The following RALGAPA2 variants were observed in gnomAD, a reference collection of about 807,000 sequenced individuals.
RALGAPA2 encodes Ral GTPase activating protein catalytic subunit alpha 2.
Under a neutral mutation model 230.4 loss-of-function variants are expected in RALGAPA2, and 139 were observed. That is an observed-to-expected ratio of 0.60 (90% CI 0.53 to 0.69). The LOEUF (loss-of-function observed/expected upper bound fraction) is 0.69. RALGAPA2 is among the 30% of genes least tolerant of loss of function. RALGAPA2 has a pLI of 0.00. For synonymous variants in RALGAPA2, 847 were observed against 837.8 expected (o/e 1.01, Z -0.19); for missense variants, 2,163 against 2,276.0 (o/e 0.95, Z 1.01).
At chr20:20,694,120 T>A (rs1203485042) in intron 1 of RALGAPA2, among the ~76,000 whole-genome samples, 3 of 147,990 alleles carry the variant, frequency 2.0e-5, no homozygotes, top group Admixed American at 1.3e-4. Context: ...AATGAAAAAA[T>A]TTCAAAAAAG....
At chr20:20,481,423 C>A (rs1451338136) in intron 36 of RALGAPA2, among the ~76,000 whole-genome samples, 1 of 152,164 alleles carries the variant, frequency 6.6e-6, no homozygotes, top group Non-Finnish European at 1.5e-5. Flanking sequence ...ATGGGCCTAC[C>A]GAGAGGCAGG....
intron 36 of RALGAPA2, among the ~76,000 whole-genome samples, chr20:20,476,235 T>C (rs1469720128): frequency 2.0e-5 from 3 of 152,122 alleles, no homozygotes; most frequent in Non-Finnish European, 4.4e-5. Context: ...TACTTCTAAG[T>C]TCATAAGGAA....
At chr20:20,710,037 A>G (rs1178210345) in intron 1 of RALGAPA2, among the ~76,000 whole-genome samples, 1 of 152,220 alleles carries the variant, frequency 6.6e-6, no homozygotes, top group East Asian at 1.9e-4. Flanking sequence ...TACCATACCC[A>G]TTTTACAGAG....
intron 37 of RALGAPA2, among the ~76,000 whole-genome samples, chr20:20,450,440 T>G (rs959466346): frequency 3.9e-5 from 6 of 152,254 alleles, no homozygotes; most frequent in Non-Finnish European, 7.3e-5. Context: ...AGGATTCACT[T>G]GGTAACAATA....
chr20:20,688,060 C>A (rs920128849), intron 1 of RALGAPA2, among the ~76,000 whole-genome samples: 1 of 152,276 alleles, frequency 6.6e-6, no homozygotes, highest in Middle Eastern at 3.4e-3. Context: ...ATAAGACTTT[C>A]CAGATTCAGC....
chr20:20,584,591 G>A (rs1602941789), intron 19 of RALGAPA2, among the ~76,000 whole-genome samples: 2 of 152,266 alleles, frequency 1.3e-5, no homozygotes, highest in Non-Finnish European at 2.9e-5. Context: ...ACCAGCCTGG[G>A]CAACATGGCA....
At chr20:20,507,248 T>C (rs2062561363) in intron 33 of RALGAPA2, among the ~76,000 whole-genome samples, 1 of 152,248 alleles carries the variant, frequency 6.6e-6, no homozygotes, top group African/African-American at 2.4e-5. Flanking sequence ...TAATATGTCA[T>C]GGCCCAAATC....
Position 20,512,885 on chromosome 20 carries a change from A to G in RALGAPA2, c.4484T>C (p.Leu1495Pro). The change falls in exon 32 of 40, where the codon CTG becomes CCG. Residue 1495 changes from leucine to proline, a missense_variant. Physicochemically the swap from Leu to Pro is moderately conservative, Grantham distance 98 (BLOSUM62 -3). Coordinates refer to ENST00000202677, the MANE Select transcript of RALGAPA2 (RefSeq NM_020343.4). ...LAPNGRNPSF[L>P]ISSWHRDTFG... ...TGTGTCACGATGCCAGCTCGAAATCAGAAATGAAGGATTTCTTCCATTGGG... is the reference window on the plus strand; with the variant it reads ...TGTGTCACGATGCCAGCTCGAAATCGGAAATGAAGGATTTCTTCCATTGGG... The G allele has an allele frequency of 6.2e-7, 1 of 1,613,926 alleles. No individual in the cohort carries two copies. The highest frequency in any genetic ancestry group is 8.5e-7 in the Non-Finnish European group (1 of 1,179,794).
At chr20:20,628,987 T>TG (rs1250504980) in intron 10 of RALGAPA2, among the ~76,000 whole-genome samples, 2 of 152,208 alleles carry the variant, frequency 1.3e-5, no homozygotes, top group Non-Finnish European at 2.9e-5. Context: ...CGTGAGGCTC[T>TG]GGGAAGAAGA....
intron 3 of RALGAPA2, among the ~76,000 whole-genome samples, chr20:20,668,642 A>G (rs2068036195): frequency 6.6e-6 from 1 of 152,220 alleles, no homozygotes; most frequent in Admixed American, 6.5e-5. Flanking sequence ...GTCAAATGAT[A>G]ACACAAGGCA....
intron 24 of RALGAPA2, among the ~76,000 whole-genome samples, chr20:20,539,730 G>A (rs2063593193): frequency 6.6e-6 from 1 of 152,128 alleles, no homozygotes; most frequent in African/African-American, 2.4e-5. Flanking sequence ...CGGCATAACT[G>A]AAACTTTTGA....
chr20:20,635,576 T>C lies in RALGAPA2; in HGVS notation c.847A>G (p.Thr283Ala). Reference protein sequence around the residue: ...LRPKPVYITTTRDNENIYSTK... With the variant: ...LRPKPVYITTARDNENIYSTK... ...CTGTAAATGTTCTCATTGTCTCGAGTGGTAGTAATGTACACAGGCTTTGGT... is the reference window on the plus strand; with the variant it reads ...CTGTAAATGTTCTCATTGTCTCGAGCGGTAGTAATGTACACAGGCTTTGGT... The change falls in exon 9 of 40, where the codon ACT (threonine) becomes GCT (alanine). Residue 283 changes from threonine (T) to alanine (A), a missense_variant. Coordinates refer to ENST00000202677, the MANE Select transcript of RALGAPA2 (RefSeq NM_020343.4). 2 of 1,581,790 alleles carry C rather than the reference T, an allele frequency of 1.3e-6. No homozygotes were observed. The highest frequency in any genetic ancestry group is 4.6e-5 in the East Asian group (2 of 43,766).
chr20:20,403,954 T>C (rs1479468626), intron 38 of RALGAPA2, among the ~76,000 whole-genome samples: 1 of 152,128 alleles, frequency 6.6e-6, no homozygotes, highest in African/African-American at 2.4e-5. Context: ...AGACAGATGC[T>C]GGGATGGTGG....
At chr20:20,586,376 A>G (rs1344216990) in intron 18 of RALGAPA2, among the ~76,000 whole-genome samples, 1 of 152,206 alleles carries the variant, frequency 6.6e-6, no homozygotes, top group East Asian at 1.9e-4. Flanking sequence ...AACAAATGCA[A>G]ACATACTGTT....
intron 37 of RALGAPA2, among the ~76,000 whole-genome samples, chr20:20,466,094 C>G (rs906289012): frequency 2.0e-5 from 3 of 152,192 alleles, no homozygotes; most frequent in African/African-American, 7.2e-5. Context: ...TGGTGCCTGG[C>G]ACCAGGCCTC....
At chr20:20,517,199 TC>T (rs1253210705) in intron 31 of RALGAPA2, among the ~76,000 whole-genome samples, 2 of 152,256 alleles carry the variant, frequency 1.3e-5, no homozygotes, top group East Asian at 3.9e-4. Flanking sequence ...GAGTCACAAT[TC>T]CTTTCTATAT....
At chr20:20,400,021 C>T (rs1398893333) in intron 38 of RALGAPA2, among the ~76,000 whole-genome samples, 1 of 152,182 alleles carries the variant, frequency 6.6e-6, no homozygotes, top group Non-Finnish European at 1.5e-5. Context: ...GACTAGGGCT[C>T]CAGCTTTAGG....
At chr20:20,456,009 G>T (rs1249371052) in intron 37 of RALGAPA2, among the ~76,000 whole-genome samples, 1 of 152,170 alleles carries the variant, frequency 6.6e-6, no homozygotes, top group East Asian at 1.9e-4. Flanking sequence ...CAAAATGCAC[G>T]CTTTCAACAC....
intron 1 of RALGAPA2, among the ~76,000 whole-genome samples, chr20:20,698,467 G>A (rs1046894111): frequency 2.0e-5 from 3 of 152,088 alleles, no homozygotes; most frequent in Non-Finnish European, 4.4e-5. Context: ...TTGGCTCACT[G>A]CAACCTCCAT....
Sources: allele counts gnomAD v4.1 joint callset (sites outside exome capture counted in the v4.1 genomes callset), GRCh38; gene constraint gnomAD v4.1.1; transcripts MANE v1.5; gene names NCBI Gene and HGNC (gene_info 2026-07-23, HGNC 2026-07-21).